TMEM217: variants seen among roughly 807,000 people sequenced by gnomAD.
TMEM217 encodes chromosome 6 open reading frame 128.
For synonymous variants in TMEM217, 76 were observed against 88.3 expected, an observed-to-expected ratio of 0.86 and a Z score of 0.78; for missense variants, 204 against 248.8, an observed-to-expected ratio of 0.82 and a Z score of 1.21.
At chr6:37,239,124 T>A (rs1764637627) in intron 1 of TMEM217, among the ~76,000 whole-genome samples, 1 of 152,026 alleles carries the variant, frequency 6.6e-6, no homozygotes, top group Non-Finnish European at 1.5e-5. Flanking sequence ...ACAGACTCTG[T>A]CTCCAAAACA....
chr6:37,246,894 C>G (rs1765114780), intron 1 of TMEM217, among the ~76,000 whole-genome samples: 1 of 101,828 alleles, frequency 9.8e-6, no homozygotes, highest in African/African-American at 3.5e-5. Context: ...CAGAGCAAGA[C>G]TCTGTCTCAA....
intron 1 of TMEM217, among the ~76,000 whole-genome samples, chr6:37,255,973 C>T (rs959092548): frequency 3.9e-5 from 6 of 152,210 alleles, no homozygotes; most frequent in Non-Finnish European, 8.8e-5. Context: ...GCACTGTTAA[C>T]TACACCCCCT....
chr6:37,226,329 T>G (rs1195556819), intron 1 of TMEM217, among the ~76,000 whole-genome samples: 1 of 138,188 alleles, frequency 7.2e-6, no homozygotes, highest in African/African-American at 2.7e-5. Context: ...GTCTCGCTCT[T>G]TCGCCCAGGC....
chr6:37,217,249 G>A (rs978129952), downstream of TMEM217, among the ~76,000 whole-genome samples: 1 of 152,186 alleles, frequency 6.6e-6, no homozygotes, highest in Non-Finnish European at 1.5e-5. Context: ...AGCCGAGGTC[G>A]CACCATTGCA....
chr6:37,236,835 C>T (rs1022898085), intron 1 of TMEM217, among the ~76,000 whole-genome samples: 4 of 152,146 alleles, frequency 2.6e-5, no homozygotes, highest in Non-Finnish European at 5.9e-5. Context: ...TCCAGGATGA[C>T]TTGCTACTTC....
chr6:37,216,147 T>C (rs1238599247), downstream of TMEM217, among the ~76,000 whole-genome samples: 1 of 152,120 alleles, frequency 6.6e-6, no homozygotes, highest in Non-Finnish European at 1.5e-5. Flanking sequence ...GGTGCAATTA[T>C]GGCTCACTGC....
chr6:37,246,487 T>C (rs1308529780), intron 1 of TMEM217, among the ~76,000 whole-genome samples: 1 of 152,182 alleles, frequency 6.6e-6, no homozygotes, highest in Non-Finnish European at 1.5e-5. Flanking sequence ...ATATACTCCA[T>C]CTACTCTCAT....
At chr6:37,215,365 A>G (rs905362144), downstream of TMEM217, 1 of 1,476,540 alleles carries the variant, frequency 6.8e-7, no homozygotes, top group African/African-American at 1.4e-5. Context: ...TCACGAGGTC[A>G]GGAGTTCAAG....
intron 1 of TMEM217, among the ~76,000 whole-genome samples, chr6:37,231,083 A>G (rs1371685973): frequency 4.0e-5 from 6 of 151,788 alleles, no homozygotes; most frequent in Non-Finnish European, 1.5e-5. Flanking sequence ...TCTTTTTGAG[A>G]TGGAGTCTTA....
At chr6:37,241,825 T>G (rs1764783695) in intron 1 of TMEM217, among the ~76,000 whole-genome samples, 1 of 152,216 alleles carries the variant, frequency 6.6e-6, no homozygotes, top group Non-Finnish European at 1.5e-5. Context: ...AAAAAGTTAT[T>G]GAGATAATTT....
intron 1 of TMEM217, among the ~76,000 whole-genome samples, chr6:37,228,927 G>A (rs571442371): frequency 5.9e-5 from 9 of 151,932 alleles, no homozygotes; most frequent in Admixed American, 2.0e-4. Flanking sequence ...AACCTGGGAG[G>A]TGGAGCTTGC....
intron 1 of TMEM217, among the ~76,000 whole-genome samples, chr6:37,231,449 C>T (rs1366367651): frequency 2.0e-5 from 3 of 150,084 alleles, no homozygotes; most frequent in Non-Finnish European, 4.4e-5. Context: ...CCGAGGCAGG[C>T]GGATCATGAG....
chr6:37,214,086 CT>C (rs1763055460), downstream of TMEM217, among the ~76,000 whole-genome samples: 2 of 152,244 alleles, frequency 1.3e-5, no homozygotes, highest in Non-Finnish European at 2.9e-5. Flanking sequence ...TCTTCACTCA[CT>C]GGATCAACTC....
At chr6:37,254,025 C>A (rs1421252545) in intron 1 of TMEM217, among the ~76,000 whole-genome samples, 1 of 152,142 alleles carries the variant, frequency 6.6e-6, no homozygotes, top group Non-Finnish European at 1.5e-5. Flanking sequence ...CTTGCAGAAG[C>A]CTCTACTTAC....
At chr6:37,232,104 G>A (rs398739) in intron 1 of TMEM217, among the ~76,000 whole-genome samples, 116,598 of 151,958 alleles carry the variant, frequency 0.77, 45,111 homozygotes, top group East Asian at 0.9. Context: ...CTTTTGTTGG[G>A]GGGGAGAGAG....
chr6:37,215,139 A>G, downstream of TMEM217: 3 of 1,600,724 alleles, frequency 1.9e-6, no homozygotes, highest in Non-Finnish European at 2.6e-6. Context: ...TAATGGCCTA[A>G]CTTCCCTTTC....
chr6:37,254,501 A>G (rs1765606155), intron 1 of TMEM217, among the ~76,000 whole-genome samples: 1 of 152,202 alleles, frequency 6.6e-6, no homozygotes, highest in Non-Finnish European at 1.5e-5. Flanking sequence ...GAAGAATACA[A>G]TCTTTCTCAG....
At chr6:37,227,311 G>A (rs1489115211) in intron 1 of TMEM217, among the ~76,000 whole-genome samples, 1 of 152,094 alleles carries the variant, frequency 6.6e-6, no homozygotes, top group East Asian at 1.9e-4. Flanking sequence ...CTAACTCTCA[G>A]GGCCATTATG....
At chr6:37,215,576 AAAAAAAAAAAAAAAAAAAAAAAAAAG>A (rs1437661881), downstream of TMEM217, among the ~76,000 whole-genome samples, 1 of 19,908 alleles carries the variant, frequency 5.0e-5, no homozygotes, top group African/African-American at 2.2e-4. Flanking sequence ...GTCTCAAAAA[AAAAAAAAAAAAAAAAAAAAAAAAAAG>A]AAAAGAAAAA....
Sources: allele counts gnomAD v4.1 joint callset (sites outside exome capture counted in the v4.1 genomes callset), GRCh38; gene constraint gnomAD v4.1.1; transcripts MANE v1.5; gene names NCBI Gene and HGNC (gene_info 2026-07-23, HGNC 2026-07-21).